TSHZ3: variants seen among roughly 807,000 people sequenced by gnomAD.
TSHZ3 encodes teashirt homolog 3.
A neutral mutation model predicts 64.5 loss-of-function variants in TSHZ3; 10 were observed. The observed-to-expected ratio is 0.16, with a 90% CI of 0.10 to 0.26. TSHZ3 has a LOEUF of 0.26. TSHZ3 is among the 10% of genes least tolerant of loss of function. The probability of loss-of-function intolerance (pLI) is 1.00; values close to 1 mark genes in which losing one functional copy is unlikely to be tolerated. For missense variants in TSHZ3, 1,242 were observed against 1,421.7 expected, an observed-to-expected ratio of 0.87 and a Z score of 2.03; for synonymous variants, 608 against 593.1, an observed-to-expected ratio of 1.03 and a Z score of -0.36.
In TSHZ3 at chr19:31,181,770, T is replaced by G. The variant is rs1030906683; in HGVS notation, n.809+23186A>C. Among the ~76,000 whole-genome samples the G allele has an allele frequency of 5.9e-5, 9 of 152,340 alleles. No homozygotes were observed. In the East Asian group the frequency reaches 1.7e-3, roughly 29 times the overall value. ...TTGGAAAGTGGCCTTCTGCTTTTTT[T>G]TGTTGTTGCTGGACATTTTTTCTTT... On this transcript the variant is annotated intron_variant and non_coding_transcript_variant, in intron 5 of 6. Coordinates refer to the TSHZ3 transcript ENST00000651361.
At chr19:31,189,715 G>T (rs534147221) in intron 5 of TSHZ3, among the ~76,000 whole-genome samples, 3 of 151,904 alleles carry the variant, frequency 2.0e-5, no homozygotes, top group East Asian at 3.9e-4. Context: ...AAAGTTGTTG[G>T]GTGTCACATT....
chr19:31,241,680 C>A (rs1346239456), intron 3 of TSHZ3, among the ~76,000 whole-genome samples: 1 of 152,216 alleles, frequency 6.6e-6, no homozygotes, highest in East Asian at 1.9e-4. Context: ...CTCCTCAGCT[C>A]AGCATGCCCA....
At chr19:31,271,455 T>C (rs2145206031), downstream of TSHZ3, among the ~76,000 whole-genome samples, 1 of 152,352 alleles carries the variant, frequency 6.6e-6, no homozygotes, top group South Asian at 2.1e-4. Flanking sequence ...AGCCCTCGGC[T>C]GCAACAAAGC....
chr19:31,293,311 C>A (rs1976606982), intron 1 of TSHZ3, among the ~76,000 whole-genome samples: 1 of 152,220 alleles, frequency 6.6e-6, no homozygotes, highest in Admixed American at 6.5e-5. Context: ...ACACAGAGCA[C>A]AAGGGCATTA....
intron 3 of TSHZ3, among the ~76,000 whole-genome samples, chr19:31,231,743 A>T (rs1172021510): frequency 6.6e-6 from 1 of 152,190 alleles, no homozygotes; most frequent in African/African-American, 2.4e-5. Context: ...GGATTTACAT[A>T]ACTCCAACCG....
At chr19:31,160,281 A>G (rs185541716) in intron 5 of TSHZ3, among the ~76,000 whole-genome samples, 15 of 152,308 alleles carry the variant, frequency 9.8e-5, no homozygotes, top group East Asian at 3.9e-4. Context: ...CACGTGTTAG[A>G]CATCAGTTTG....
chr19:31,345,171 G>A (rs1232054532), intron 1 of TSHZ3, among the ~76,000 whole-genome samples: 1 of 152,070 alleles, frequency 6.6e-6, no homozygotes, highest in Non-Finnish European at 1.5e-5. Context: ...TTGCATTGTT[G>A]CTCTCATTTC....
chr19:31,250,789 G>A (rs1003166072), intron 1 of TSHZ3, among the ~76,000 whole-genome samples: 5 of 152,166 alleles, frequency 3.3e-5, no homozygotes, highest in African/African-American at 1.2e-4. Flanking sequence ...TTAGCACTGA[G>A]CCTGACACAC....
intron 1 of TSHZ3, among the ~76,000 whole-genome samples, chr19:31,307,568 C>T (rs998534862): frequency 8.5e-5 from 13 of 152,194 alleles, no homozygotes; most frequent in Non-Finnish European, 7.3e-5. Flanking sequence ...CCAAGGGTGC[C>T]CCCCAAGCCT....
chr19:31,258,813 G>A (rs1485008640), intron 1 of TSHZ3, among the ~76,000 whole-genome samples: 1 of 152,158 alleles, frequency 6.6e-6, no homozygotes, highest in Admixed American at 6.5e-5. Context: ...GTCTTCCCTT[G>A]GCTTCCCCTG....
chr19:31,214,950 C>G (rs1195069345), intron 4 of TSHZ3, among the ~76,000 whole-genome samples: 5 of 151,128 alleles, frequency 3.3e-5, no homozygotes, highest in African/African-American at 1.2e-4. Context: ...GCATTCAACC[C>G]TCATCCATAG....
At chr19:31,331,797 T>C (rs1917103673) in intron 1 of TSHZ3, among the ~76,000 whole-genome samples, 1 of 152,162 alleles carries the variant, frequency 6.6e-6, no homozygotes, top group African/African-American at 2.4e-5. Context: ...CATTTTATGT[T>C]TCCACACCAG....
chr19:31,344,849 A>G (rs930973623), intron 1 of TSHZ3, among the ~76,000 whole-genome samples: 16 of 152,226 alleles, frequency 1.1e-4, no homozygotes, highest in African/African-American at 3.9e-4. Context: ...AATCTTTAGC[A>G]AAAAGAGGGG....
intron 1 of TSHZ3, among the ~76,000 whole-genome samples, chr19:31,320,305 G>A (rs932434564): frequency 7.2e-5 from 11 of 152,076 alleles, no homozygotes; most frequent in East Asian, 1.9e-4. Context: ...TAGAAAAGAC[G>A]GATCCTGGAC....
chr19:31,340,413 C>G (rs1917396594), intron 1 of TSHZ3, among the ~76,000 whole-genome samples: 1 of 138,046 alleles, frequency 7.2e-6, no homozygotes, highest in Admixed American at 7.4e-5. Flanking sequence ...TAAAGCAACA[C>G]TCCCCCTCCC....
chr19:31,260,427 G>GA lies in TSHZ3; in HGVS notation n.64-17553dup, dbSNP rs577240465. Among the ~76,000 whole-genome samples, 86 of 152,306 alleles carry GA rather than the reference G, an allele frequency of 5.6e-4. 2 individuals carry two copies. The East Asian group carries it at 8.7e-3, about 15-fold the overall frequency. ...GGTCAGGTCTGGGTTCAGAATCTGAGACCTGGGGCTGTGCAGAAGCTGGGA... is the reference window on the plus strand; with the variant it reads ...GGTCAGGTCTGGGTTCAGAATCTGAGAACCTGGGGCTGTGCAGAAGCTGGGA... On this transcript the variant is annotated intron_variant and non_coding_transcript_variant, in intron 1 of 6. Transcript: ENST00000651361.
At chr19:31,206,567 C>T (rs1432430329) in intron 4 of TSHZ3, among the ~76,000 whole-genome samples, 1 of 152,154 alleles carries the variant, frequency 6.6e-6, no homozygotes, top group African/African-American at 2.4e-5. Flanking sequence ...CTTCAGCTGT[C>T]TTATATTCCC....
intron 1 of TSHZ3, among the ~76,000 whole-genome samples, chr19:31,346,238 G>A (rs1461734772): frequency 6.6e-6 from 1 of 152,106 alleles, no homozygotes; most frequent in Non-Finnish European, 1.5e-5. Flanking sequence ...GCCTTTTGTG[G>A]TTGTTATTCT....
At chr19:31,199,094 C>G (rs1364116075) in intron 5 of TSHZ3, among the ~76,000 whole-genome samples, 1 of 151,932 alleles carries the variant, frequency 6.6e-6, no homozygotes, top group Non-Finnish European at 1.5e-5. Context: ...AATAAAAACC[C>G]CAGAAATAGA....
Sources: allele counts gnomAD v4.1 joint callset (sites outside exome capture counted in the v4.1 genomes callset), GRCh38; gene constraint gnomAD v4.1.1; transcripts MANE v1.5; gene names NCBI Gene and HGNC (gene_info 2026-07-23, HGNC 2026-07-21).